The following ADGRE1 variants were observed in gnomAD, a reference collection of about 807,000 sequenced individuals.
ADGRE1 encodes EGF-like module receptor 1.
A neutral mutation model predicts 102.7 loss-of-function variants in ADGRE1; 82 were observed. The observed-to-expected ratio is 0.80, with a 90% CI of 0.67 to 0.96. ADGRE1 has a LOEUF of 0.96. Ranked by LOEUF, ADGRE1 falls within the 40% of genes least tolerant of loss-of-function variation. The pLI, the probability that ADGRE1 is intolerant of heterozygous loss-of-function variation, is 0.00. For missense variants in ADGRE1, 1,032 were observed against 1,085.3 expected (o/e 0.95, Z 0.69); for synonymous variants, 398 against 399.6 (o/e 1.00, Z 0.05).
chr19:6,921,716 A>G lies in ADGRE1; in HGVS notation c.1624A>G (p.Lys542Glu), dbSNP rs1169306800. 11 of 1,593,298 alleles carry G rather than the reference A, an allele frequency of 6.9e-6. No individual in the cohort carries two copies. The highest frequency in any genetic ancestry group is 8.5e-6 in the Non-Finnish European group (10 of 1,172,264). ...TTTGTTTTTTTGTTTTTTTTAGCCA[A>G]AGCAGAAGTTTGAGAGGCCCATCTG... ...IIYTLENIQP[K>E]QKFERPICVS... Residue 542 changes from lysine to glutamate, a missense_variant, in exon 14 of 21, where the codon AAG becomes GAG. By Grantham distance (56) the Lys-to-Glu change is moderately conservative. Transcript: ENST00000312053.
chr19:6,892,545 T>C (rs1973418465), intron 2 of ADGRE1, among the ~76,000 whole-genome samples: 1 of 152,192 alleles, frequency 6.6e-6, no homozygotes, highest in African/African-American at 2.4e-5. Flanking sequence ...TTGGTCAGTT[T>C]ATTTCTGATC....
intron 6 of ADGRE1, among the ~76,000 whole-genome samples, chr19:6,903,287 A>G (rs921469558): frequency 2.0e-5 from 3 of 152,156 alleles, no homozygotes; most frequent in African/African-American, 7.2e-5. Flanking sequence ...GGCATGTCTT[A>G]TGGAAAGCTG....
intron 5 of ADGRE1, among the ~76,000 whole-genome samples, chr19:6,899,889 G>A (rs888860217): frequency 6.6e-6 from 1 of 151,664 alleles, no homozygotes; most frequent in Non-Finnish European, 1.5e-5. Context: ...TCAGGAGATG[G>A]AGACCATCCT....
At chr19:6,936,948 G>A (rs748780051) in intron 18 of ADGRE1, among the ~76,000 whole-genome samples, 4 of 152,008 alleles carry the variant, frequency 2.6e-5, no homozygotes, top group Non-Finnish European at 4.4e-5. Flanking sequence ...AGTAGAGATG[G>A]GTTTTCACCA....
chr19:6,906,306 C>T (rs1012610504), intron 8 of ADGRE1, 127 bp from the exon 9 acceptor site: 11 of 710,136 alleles, frequency 1.5e-5, no homozygotes, highest in African/African-American at 1.4e-4. Flanking sequence ...GTTCATTTTC[C>T]CCCTTGTGTA....
At chr19:6,929,129 G>A (rs930587639) in intron 17 of ADGRE1, among the ~76,000 whole-genome samples, 1 of 152,160 alleles carries the variant, frequency 6.6e-6, no homozygotes, top group East Asian at 1.9e-4. Context: ...TTGTCTGGGG[G>A]TAATAATGCC....
At chr19:6,939,877 G>A in intron 20 of ADGRE1, 147 bp from the exon 21 acceptor site, 1 of 961,310 alleles carries the variant, frequency 1.0e-6, no homozygotes, top group Non-Finnish European at 1.6e-6. Context: ...CCACACTAGG[G>A]ACAATCGCAT....
chr19:6,896,121 C>T (rs1462861050), intron 2 of ADGRE1: 1 of 342,650 alleles, frequency 2.9e-6, no homozygotes, highest in Non-Finnish European at 5.4e-6. Flanking sequence ...TGTCCCTGTG[C>T]ATGTCTGTGT....
chr19:6,912,984 G>T (rs1022829079), intron 10 of ADGRE1, among the ~76,000 whole-genome samples: 1 of 152,132 alleles, frequency 6.6e-6, no homozygotes, highest in Non-Finnish European at 1.5e-5. Context: ...ACCCAAGCTG[G>T]AGTGCAGTGG....
At chr19:6,890,006 G>T (rs1283914827) in intron 1 of ADGRE1, among the ~76,000 whole-genome samples, 2 of 152,002 alleles carry the variant, frequency 1.3e-5, no homozygotes, top group African/African-American at 4.8e-5. Context: ...TCTATCTCCT[G>T]GGCTCAAGCA....
chr19:6,934,419 C>CTTTTTTTTT (rs71177132), intron 17 of ADGRE1, among the ~76,000 whole-genome samples: 12 of 95,448 alleles, frequency 1.3e-4, no homozygotes, highest in East Asian at 7.1e-4. Flanking sequence ...TCTTCTTCTT[C>CTTTTTTTTT]TTTTTTTTTT....
chr19:6,889,550 G>T (rs952035152), intron 1 of ADGRE1, among the ~76,000 whole-genome samples: 3 of 151,518 alleles, frequency 2.0e-5, no homozygotes, highest in African/African-American at 7.3e-5. Context: ...TTAGCTGGGC[G>T]TGGTGGTGCG....
At position 6,906,425 on chromosome 19, in the gene ADGRE1, C is replaced by T. The variant is rs780345175; in HGVS notation, c.950-8C>T. ...AGTTTGGTTTGGTTGCTGTTGTTTT[C>T]TTCCTAGGGGTTCTCTTCAAATGTA... On this transcript the variant is annotated splice_region_variant and splice_polypyrimidine_tract_variant and intron_variant, in intron 8 of 20. Transcript: ENST00000312053. The T allele has an allele frequency of 1.2e-6, 2 of 1,603,802 alleles. No individual in the cohort carries two copies. The highest frequency in any genetic ancestry group is 1.7e-6 in the Non-Finnish European group (2 of 1,174,030).
Position 6,908,725 on chromosome 19 carries a change from G to A in ADGRE1, c.1075G>A (p.Val359Ile), listed in dbSNP as rs772948778. The A allele has an allele frequency of 2.2e-5, 34 of 1,565,944 alleles. No homozygotes were observed. Among genetic ancestry groups the A allele is most frequent in the African/African-American group, 2.8e-5 (2 of 72,542 alleles). The change falls in exon 10 of 21, where the codon GTT becomes ATT. Residue 359 changes from valine (V) to isoleucine (I), a missense_variant. By Grantham distance (29) the Val-to-Ile change is conservative. Coordinates refer to ENST00000312053, the MANE Select transcript of ADGRE1 (RefSeq NM_001974.5). ...FCAQINNIFSVLDKVCENKTT... is the reference protein window; with the variant it reads ...FCAQINNIFSILDKVCENKTT... Reference sequence around the variant, plus strand: ...TGCACAAATAAATAACATCTTCAGCGTTCTGGACAAAGTGTGTGAAAATAA... The same window carrying A: ...TGCACAAATAAATAACATCTTCAGCATTCTGGACAAAGTGTGTGAAAATAA...
In ADGRE1 at chr19:6,897,390, A is replaced by G. The variant is rs545562399; in HGVS notation, c.395-38A>G. 11 of 1,598,186 alleles carry G rather than the reference A, an allele frequency of 6.9e-6. No homozygotes were observed. In the South Asian group the frequency reaches 1.2e-4, roughly 18 times the overall value. On this transcript the variant is annotated intron_variant, in intron 4 of 20. Coordinates refer to ENST00000312053, the MANE Select transcript of ADGRE1 (RefSeq NM_001974.5). Reference sequence around the variant, plus strand: ...CATGTATTTCTGAACTGAGGCACCCAATTTCTTATCTGCTCACCCTCTTCC... The same window carrying G: ...CATGTATTTCTGAACTGAGGCACCCGATTTCTTATCTGCTCACCCTCTTCC...
At chr19:6,903,456 C>G (rs1973840206) in intron 6 of ADGRE1, among the ~76,000 whole-genome samples, 1 of 152,132 alleles carries the variant, frequency 6.6e-6, no homozygotes, top group South Asian at 2.1e-4. Flanking sequence ...GGCTGGTGGG[C>G]AGCTTTTCTC....
intron 13 of ADGRE1, among the ~76,000 whole-genome samples, chr19:6,920,293 C>A (rs114221005): frequency 6.7e-6 from 1 of 149,916 alleles, no homozygotes; most frequent in African/African-American, 2.5e-5. Flanking sequence ...AATTTCAAGT[C>A]ATTGCAAGCT....
At chr19:6,900,142 A>G (rs1438691872) in intron 5 of ADGRE1, among the ~76,000 whole-genome samples, 1 of 151,806 alleles carries the variant, frequency 6.6e-6, no homozygotes, top group Non-Finnish European at 1.5e-5. Flanking sequence ...CTCCCTTCAC[A>G]TTAAAGCAGT....
rs1181617125 is a variant in ADGRE1 at position 6,920,521 on chromosome 19, T to C, written c.1620+774T>C. Among the ~76,000 whole-genome samples, 17 of 71,422 alleles carry C rather than the reference T, an allele frequency of 2.4e-4. 1 individual carries two copies. The highest frequency in any genetic ancestry group is 7.7e-4 in the South Asian group (2 of 2,604). 46.9% of individuals were successfully genotyped at this position (71,422 alleles called of 152,430 possible). A position where few individuals can be genotyped will look rare whatever the true frequency, so the allele number is the denominator to read the frequency against. On this transcript the variant is annotated intron_variant, in intron 13 of 20. Coordinates refer to ENST00000312053, the MANE Select transcript of ADGRE1 (RefSeq NM_001974.5). ...GGCATGAACCACCATGCCCGCTTTT[T>C]TTTTTTTTTTTTTTTTTTTGAGATG...
Sources: gnomAD v4.1 joint callset for allele counts (sites outside exome capture counted in the v4.1 genomes callset) on GRCh38, gnomAD v4.1.1 for gene constraint, MANE v1.5 for transcripts, NCBI Gene and HGNC (gene_info 2026-07-23, HGNC 2026-07-21) for gene names.